Variants in PRR5 observed in about 807,000 individuals in gnomAD.
PRR5 encodes the protein proline-rich protein 5.
In PRR5, 25 loss-of-function variants were observed where a neutral mutation model predicts 30.6. That is an observed-to-expected ratio of 0.82 (90% confidence interval 0.60 to 1.14). The LOEUF is 1.14. Among genes scored for constraint, PRR5 ranks in the 50% most tolerant of loss-of-function variants. The pLI is 0.00. For missense variants in PRR5, 600 were observed against 547.1 expected (o/e 1.10, Z -0.96); for synonymous variants, 286 against 247.1 (o/e 1.16, Z -1.48).
upstream of PRR5, among the ~76,000 whole-genome samples, chr22:44,675,676 G>A (rs1382891276): frequency 1.3e-5 from 2 of 152,090 alleles, no homozygotes; most frequent in African/African-American, 4.8e-5. Context: ...TAGGGGTTCT[G>A]GGAGGAGTAA....
At chr22:44,730,765 C>T (rs770521496) in intron 4 of PRR5, 15 of 760,206 alleles carry the variant, frequency 2.0e-5, no homozygotes, top group Middle Eastern at 3.6e-4. Flanking sequence ...AAGGGGTCTC[C>T]GTGGATCCCC....
At chr22:44,715,073 T>C (rs1261291535) in intron 2 of PRR5, among the ~76,000 whole-genome samples, 6 of 152,166 alleles carry the variant, frequency 3.9e-5, no homozygotes, top group Non-Finnish European at 5.9e-5. Flanking sequence ...GGAGTGTTAT[T>C]CCCGGAAAAG....
At position 44,720,287 on chromosome 22, in the gene PRR5, C is replaced by T. The variant is rs145842189; in HGVS notation, c.216-4957C>T. Reference sequence around the variant, plus strand: ...ACTTGACTTTGAAGTTTCCCACAATCCCGGACTGGGCAGGCCCTCTCTTCG... The same window carrying T: ...ACTTGACTTTGAAGTTTCCCACAATTCCGGACTGGGCAGGCCCTCTCTTCG... On this transcript the variant is annotated intron_variant, in intron 2 of 7. Coordinates refer to ENST00000336985, the MANE Select transcript of PRR5 (RefSeq NM_181333.4). Among the ~76,000 whole-genome samples the T allele has an allele frequency of 4.6e-3, 704 of 152,342 alleles. 9 individuals are homozygous for T. The highest frequency in any genetic ancestry group is 0.017 in the Middle Eastern group (5 of 294).
intron 6 of PRR5, among the ~76,000 whole-genome samples, chr22:44,732,984 A>G (rs1309512121): frequency 1.4e-5 from 2 of 138,688 alleles, no homozygotes; most frequent in East Asian, 2.0e-4. Context: ...CACTACACAC[A>G]TACATGTGCG....
intron 1 of PRR5, among the ~76,000 whole-genome samples, chr22:44,688,500 C>T (rs1185191060): frequency 6.6e-6 from 1 of 152,192 alleles, no homozygotes; most frequent in Admixed American, 6.5e-5. Flanking sequence ...TGGAACCCAG[C>T]TCCATCGGCA....
upstream of PRR5, among the ~76,000 whole-genome samples, chr22:44,673,597 C>T (rs1923546864): frequency 6.6e-6 from 1 of 152,120 alleles, no homozygotes; most frequent in Non-Finnish European, 1.5e-5. Context: ...CCGTTGTGGC[C>T]ACTTCTTGGT....
chr22:44,722,671 TG>T (rs935190480), intron 2 of PRR5, among the ~76,000 whole-genome samples: 1 of 152,180 alleles, frequency 6.6e-6, no homozygotes, highest in African/African-American at 2.4e-5. Flanking sequence ...TCACTGTGTT[TG>T]GGGGGATGGT....
chr22:44,720,927 C>T (rs1026379689), intron 2 of PRR5, among the ~76,000 whole-genome samples: 1 of 152,164 alleles, frequency 6.6e-6, no homozygotes, highest in Non-Finnish European at 1.5e-5. Context: ...TTCATTAGGG[C>T]CTCTCCGGGA....
intron 1 of PRR5, among the ~76,000 whole-genome samples, chr22:44,669,085 G>T (rs1923268779): frequency 7.2e-6 from 1 of 138,292 alleles, no homozygotes; most frequent in Admixed American, 7.5e-5. Context: ...TCCCGAGCTC[G>T]TTCTCTCCCA....
At position 44,737,300 on chromosome 22, in the gene PRR5, G is replaced by A. The variant is rs1387608546; in HGVS notation, c.*53G>A. ...CTGACACGTCCCTGTGTGCGGGGGT[G>A]TCCATGTGGCGTGTGTGTGAGTGAG... On this transcript the variant is annotated 3_prime_UTR_variant, in exon 8 of 8. Transcript: ENST00000336985. 3.2e-6 allele frequency: 5 copies of A among 1,544,604 alleles called. No homozygotes were observed. In the African/African-American group the frequency reaches 5.4e-5, roughly 17 times the overall value.
chr22:44,701,515 C>T (rs891778461), upstream of PRR5, among the ~76,000 whole-genome samples: 5 of 152,254 alleles, frequency 3.3e-5, no homozygotes, highest in Non-Finnish European at 7.3e-5. Flanking sequence ...AGGCAGGAAG[C>T]ACCGGCTGTG....
At chr22:44,718,756 A>T (rs1241833811) in intron 2 of PRR5, among the ~76,000 whole-genome samples, 1 of 152,140 alleles carries the variant, frequency 6.6e-6, no homozygotes, top group Non-Finnish European at 1.5e-5. Context: ...GATGATGTTG[A>T]GCATCTTTTC....
At chr22:44,692,200 C>G (rs565482321) in intron 1 of PRR5, among the ~76,000 whole-genome samples, 81 of 148,356 alleles carry the variant, frequency 5.5e-4, no homozygotes, top group African/African-American at 1.9e-3. Flanking sequence ...GGCTCCTCCT[C>G]CCACGCTCCT....
chr22:44,736,980 C>A lies in PRR5; in HGVS notation c.900C>A (p.Gly300=). 6.2e-7 allele frequency: 1 copy of A among 1,600,740 alleles called. No homozygotes were observed. Among genetic ancestry groups the A allele is most frequent in the Non-Finnish European group, 8.5e-7 (1 of 1,174,234 alleles). Residue 300 remains glycine (G), a synonymous_variant, in exon 8 of 8, where the codon GGC becomes GGA. Transcript: ENST00000336985. ...CTCAGGGCTTCTCCGACCCGCCCGG[C>A]CAGGGCCCCACCGGGACCTTCAGGT... ...PEPQGFSDPP[G]QGPTGTFRSS...
At chr22:44,731,095 T>C (rs1921874578) in intron 4 of PRR5, 9 of 297,546 alleles carry the variant, frequency 3.0e-5, no homozygotes, top group South Asian at 2.9e-4. Context: ...CTTAGCCGGG[T>C]TGTTAGGAGG....
Position 44,736,916 on chromosome 22 carries a change from G to T in PRR5, c.836G>T (p.Arg279Leu). The T allele has an allele frequency of 6.2e-7, 1 of 1,608,136 alleles. No individual in the cohort carries two copies. The highest frequency in any genetic ancestry group is 8.5e-7 in the Non-Finnish European group (1 of 1,178,628). ...GCGGCGGCCGGCGGTACCAGCATCC[G>T]CAGGCACTCTGTGTCGGAGATGACG... is the stretch of plus-strand genomic sequence containing the variant. Reference protein sequence around the residue: ...EGAAAGGTSIRRHSVSEMTSC... With the variant: ...EGAAAGGTSILRHSVSEMTSC... Residue 279 changes from arginine (R) to leucine (L), a missense_variant, in exon 8 of 8, where the codon CGC becomes CTC. Transcript: ENST00000336985.
intron 2 of PRR5, among the ~76,000 whole-genome samples, chr22:44,723,048 C>T (rs5765936): frequency 0.15 from 22,582 of 150,094 alleles, 1,860 homozygotes; most frequent in East Asian, 0.22. Context: ...TGCAGTGGTG[C>T]GATCTCAGCC....
At position 44,702,346 on chromosome 22, in the gene PRR5, G is replaced by T. The variant is rs1368120365; in HGVS notation, c.-129G>T. 3 of 1,174,370 alleles carry T rather than the reference G, an allele frequency of 2.6e-6. No individual in the cohort carries two copies. Among genetic ancestry groups the T allele is most frequent in the African/African-American group, 3.2e-5 (2 of 61,590 alleles). The allele number at this position is 1,174,370 out of a possible 1,614,324, so 72.7% of individuals were successfully genotyped here. ...GGCCGGGGCGGGACCCCGCAGGACC[G>T]CTCGGCTTCCTGCTCTCGCCGGAGT... On this transcript the variant is annotated 5_prime_UTR_variant, in exon 1 of 8. Coordinates refer to ENST00000336985, the MANE Select transcript of PRR5 (RefSeq NM_181333.4).
Position 44,702,271 on chromosome 22 carries a change from A to T in PRR5, c.-204A>T. The T allele has an allele frequency of 1.8e-6, 2 of 1,138,998 alleles. No individual in the cohort carries two copies. The highest frequency in any genetic ancestry group is 2.2e-6 in the Non-Finnish European group (2 of 927,548). 70.6% of individuals were successfully genotyped at this position (1,138,998 alleles called of 1,614,324 possible). A position where few individuals can be genotyped will look rare whatever the true frequency, so the allele number is the denominator to read the frequency against. ...GCTCCACGCTGAGCCTCTCCGTGCA[A>T]TGATTAACCCGGCGGGGCGGCCGGC... On this transcript the variant is annotated 5_prime_UTR_variant, in exon 1 of 8. An upstream start codon of the reference 5' UTR is lost. Transcript: ENST00000336985.
Sources: allele counts gnomAD v4.1 joint callset (sites outside exome capture counted in the v4.1 genomes callset), GRCh38; gene constraint gnomAD v4.1.1; transcripts MANE v1.5; gene names NCBI Gene and HGNC (gene_info 2026-07-23, HGNC 2026-07-21).